Variants in PKHD1 observed in about 807,000 individuals in gnomAD.
The protein encoded by PKHD1 is PKHD1 ciliary IPT domain containing fibrocystin/polyductin.
Under a neutral mutation model 412.0 loss-of-function variants are expected in PKHD1, and 291 were observed. That is an observed-to-expected ratio of 0.71 (90% CI 0.64 to 0.78). The LOEUF is 0.78. Among genes scored for constraint, PKHD1 ranks in the 30% least tolerant of loss-of-function variants. The pLI is 0.00. For missense variants in PKHD1, 4,825 were observed against 4,950.7 expected (o/e 0.97, Z 0.76); for synonymous variants, 1,777 against 1,821.5 (o/e 0.98, Z 0.62).
At chr6:51,946,216 A>G (rs1402792527) in intron 36 of PKHD1, among the ~76,000 whole-genome samples, 1 of 152,216 alleles carries the variant, frequency 6.6e-6, no homozygotes, top group East Asian at 1.9e-4. Context: ...AAAATGAATT[A>G]TCTGCGTTGT....
At chr6:51,772,261 C>T (rs55791225) in intron 55 of PKHD1, among the ~76,000 whole-genome samples, 27,977 of 151,818 alleles carry the variant, frequency 0.18, 3,390 homozygotes, top group African/African-American at 0.34. Flanking sequence ...GAAGCAATGA[C>T]TCTGTTCTTT....
chr6:51,750,558 C>G (rs1785939811), intron 57 of PKHD1, among the ~76,000 whole-genome samples: 1 of 151,898 alleles, frequency 6.6e-6, no homozygotes, highest in African/African-American at 2.4e-5. Flanking sequence ...CCATTCCCTC[C>G]CCGGGTGCGC....
chr6:51,860,748 C>T (rs1436389388), intron 48 of PKHD1, among the ~76,000 whole-genome samples: 1 of 152,096 alleles, frequency 6.6e-6, no homozygotes, highest in Non-Finnish European at 1.5e-5. Context: ...ATAAGCCTTA[C>T]ATGTTGTTTT....
At position 51,746,852 on chromosome 6, in the gene PKHD1, G is replaced by C. The variant is rs747103964; in HGVS notation, c.9867C>G (p.Ser3289Arg). Residue 3289 changes from serine (S) to arginine (R), a missense_variant, in exon 59 of 67, where the codon AGC becomes AGG. Transcript: ENST00000371117. ...TFSSFVKSCY[S>R]DDLDVCILPN... ...GTAGAATGCAGACATCCAGGTCATC[G>C]CTATAGCAACTCTTCACAAAACTAG... 6.2e-7 allele frequency: 1 copy of C among 1,609,194 alleles called. No individual in the cohort carries two copies. The highest frequency in any genetic ancestry group is 2.2e-5 in the East Asian group (1 of 44,808).
intron 60 of PKHD1, among the ~76,000 whole-genome samples, chr6:51,729,666 G>C (rs984362475): frequency 1.3e-5 from 2 of 152,110 alleles, no homozygotes; most frequent in African/African-American, 4.8e-5. Context: ...TGATATTTGA[G>C]AACGAAGTTT....
chr6:51,645,905 G>A (rs957195017), intron 63 of PKHD1, among the ~76,000 whole-genome samples: 35 of 152,140 alleles, frequency 2.3e-4, no homozygotes, highest in Non-Finnish European at 5.9e-5. Context: ...AAAACTGTCT[G>A]ACATAGAAGT....
chr6:51,690,059 G>A (rs148378568), intron 60 of PKHD1, among the ~76,000 whole-genome samples: 1 of 151,946 alleles, frequency 6.6e-6, no homozygotes, highest in East Asian at 1.9e-4. Flanking sequence ...GGATCACAGG[G>A]TCATGAGCTC....
intron 66 of PKHD1, chr6:51,622,307 C>G (rs1766725899): frequency 6.6e-6 from 1 of 152,186 alleles, no homozygotes; most frequent in Non-Finnish European, 1.5e-5. Flanking sequence ...AACAATGAAT[C>G]TCCCCTCTCT....
intron 35 of PKHD1, among the ~76,000 whole-genome samples, chr6:51,995,522 C>T (rs568219990): frequency 8.5e-5 from 13 of 152,304 alleles, no homozygotes; most frequent in African/African-American, 3.1e-4. Flanking sequence ...TAAGACTAGT[C>T]TCTTAGCTAG....
intron 60 of PKHD1, among the ~76,000 whole-genome samples, chr6:51,700,009 T>C (rs1244369286): frequency 1.3e-5 from 2 of 151,460 alleles, no homozygotes; most frequent in Admixed American, 6.6e-5. Context: ...AGGATGTATA[T>C]AGAGTATATT....
intron 60 of PKHD1, among the ~76,000 whole-genome samples, chr6:51,677,904 G>T (rs1776098012): frequency 6.6e-6 from 1 of 152,004 alleles, no homozygotes; most frequent in Non-Finnish European, 1.5e-5. Context: ...GTAGAAATCT[G>T]TTCAAACAAA....
chr6:51,947,300 T>TA (rs1156706492), intron 36 of PKHD1, among the ~76,000 whole-genome samples: 3 of 152,178 alleles, frequency 2.0e-5, no homozygotes, highest in African/African-American at 7.2e-5. Flanking sequence ...CATCTCTATT[T>TA]AAAAAATCCA....
At position 51,725,002 on chromosome 6, in the gene PKHD1, C is replaced by T. The variant is rs115866559; in HGVS notation, c.10156+19383G>A. On this transcript the variant is annotated intron_variant, in intron 60 of 66. Coordinates refer to ENST00000371117, the MANE Select transcript of PKHD1 (RefSeq NM_138694.4). ...AGAAAAGGGTCAAAGAGAGGAACTA[C>T]TACAAATGCACCTTTATGCCATGTG... Among the ~76,000 whole-genome samples, 964 of 152,266 alleles carry T rather than the reference C, an allele frequency of 6.3e-3. 11 individuals are homozygous for T. The highest frequency in any genetic ancestry group is 0.021 in the African/African-American group (867 of 41,548).
At position 51,836,455 on chromosome 6, in the gene PKHD1, G is replaced by C; in HGVS notation, c.8122C>G (p.Gln2708Glu). ...QLTYLVSGEG[Q>E]VQVILRVKEG... ...TTCACCCGGAGAATGACTTGAACTT[G>C]GCCTTCACCTGAAACTAAATACCAA... Residue 2708 changes from glutamine (Q) to glutamate (E), a missense_variant, in exon 51 of 67, where the codon CAA (glutamine) becomes GAA (glutamate). Gln to Glu is a conservative substitution (Grantham distance 29). Transcript: ENST00000371117. 6.2e-7 allele frequency: 1 copy of C among 1,612,612 alleles called. No homozygotes were observed. The highest frequency in any genetic ancestry group is 8.5e-7 in the Non-Finnish European group (1 of 1,178,668).
At chr6:51,708,018 T>C (rs1780214146) in intron 60 of PKHD1, among the ~76,000 whole-genome samples, 2 of 152,210 alleles carry the variant, frequency 1.3e-5, no homozygotes. Flanking sequence ...AGGGTGATCC[T>C]CAAATCTTTG....
chr6:52,007,499 C>T (rs1562115360), intron 35 of PKHD1, among the ~76,000 whole-genome samples: 1 of 152,170 alleles, frequency 6.6e-6, no homozygotes, highest in African/African-American at 2.4e-5. Flanking sequence ...ATTGTACATC[C>T]CAACATGGGT....
chr6:52,074,764 T>C (rs1251261833), intron 6 of PKHD1, among the ~76,000 whole-genome samples: 3 of 152,030 alleles, frequency 2.0e-5, no homozygotes, highest in Admixed American at 2.0e-4. Flanking sequence ...CTCCCCCATC[T>C]CCCTGGCTGC....
intron 60 of PKHD1, among the ~76,000 whole-genome samples, chr6:51,690,271 CAAAAAAAAA>C (rs70977310): frequency 5.5e-5 from 6 of 109,920 alleles, no homozygotes; most frequent in African/African-American, 1.0e-4. Flanking sequence ...GACTCCATCT[CAAAAAAAAA>C]AAAAAAAAAA....
chr6:51,677,906 TCAAA>T (rs1270771841), intron 60 of PKHD1, among the ~76,000 whole-genome samples: 2 of 152,170 alleles, frequency 1.3e-5, no homozygotes, highest in African/African-American at 4.8e-5. Flanking sequence ...AGAAATCTGT[TCAAA>T]CAAATTCAAT....
Sources: allele counts gnomAD v4.1 joint callset (sites outside exome capture counted in the v4.1 genomes callset), GRCh38; gene constraint gnomAD v4.1.1; transcripts MANE v1.5; gene names NCBI Gene and HGNC (gene_info 2026-07-23, HGNC 2026-07-21).